Variants in EGFR observed in about 807,000 individuals in gnomAD.
EGFR encodes the protein epidermal growth factor receptor.
Under a neutral mutation model 143.0 loss-of-function variants are expected in EGFR, and 58 were observed. The observed-to-expected ratio is 0.41, with a 90% CI of 0.33 to 0.50. The LOEUF is 0.50. Ranked by LOEUF, EGFR falls within the 20% of genes least tolerant of loss-of-function variation. The pLI is 0.39. For missense variants in EGFR, 1,307 were observed against 1,579.0 expected (o/e 0.83, Z 2.92); for synonymous variants, 613 against 594.4 (o/e 1.03, Z -0.45).
intron 1 of EGFR, among the ~76,000 whole-genome samples, chr7:55,128,064 T>C (rs1448342530): frequency 6.6e-6 from 1 of 152,242 alleles, no homozygotes; most frequent in Admixed American, 6.5e-5. Flanking sequence ...TGAGCCTGGA[T>C]TGGTGCTTAG....
At chr7:55,156,176 C>T (rs1304744955) in intron 8 of EGFR, among the ~76,000 whole-genome samples, 1 of 152,216 alleles carries the variant, frequency 6.6e-6, no homozygotes, top group Non-Finnish European at 1.5e-5. Context: ...GCCAGCCCCG[C>T]TCAGCAGCTG....
At chr7:55,055,704 G>GCA (rs796811031) in intron 1 of EGFR, among the ~76,000 whole-genome samples, 13 of 108,472 alleles carry the variant, frequency 1.2e-4, no homozygotes, top group Non-Finnish European at 1.8e-4. Flanking sequence ...CCTCTTGCAC[G>GCA]CACACACACA....
chr7:55,083,940 G>A (rs998245144), intron 1 of EGFR, among the ~76,000 whole-genome samples: 1 of 152,144 alleles, frequency 6.6e-6, no homozygotes, highest in Non-Finnish European at 1.5e-5. Context: ...TAGCAAGATT[G>A]GGATCCTAAA....
At chr7:55,139,122 G>A (rs1015910277) in intron 1 of EGFR, among the ~76,000 whole-genome samples, 5 of 152,030 alleles carry the variant, frequency 3.3e-5, no homozygotes, top group East Asian at 3.9e-4. Context: ...TCCAATAAAC[G>A]CACTTTGGAA....
chr7:55,109,644 G>A, intron 1 of EGFR: 1 of 684,240 alleles, frequency 1.5e-6, no homozygotes, highest in Non-Finnish European at 1.8e-6. Flanking sequence ...TTTGCAGAGA[G>A]GCTTAATTCC....
intron 1 of EGFR, among the ~76,000 whole-genome samples, chr7:55,138,302 T>A (rs1794268657): frequency 6.6e-6 from 1 of 152,222 alleles, no homozygotes; most frequent in South Asian, 2.1e-4. Flanking sequence ...TTGCAAAGGG[T>A]AAGGCAAACC....
chr7:55,080,461 A>G (rs75726430), intron 1 of EGFR, among the ~76,000 whole-genome samples: 2,715 of 152,252 alleles, frequency 0.018, 43 homozygotes, highest in Middle Eastern at 0.055. Flanking sequence ...AAAACATTGC[A>G]TGATCTCACT....
intron 1 of EGFR, 43 bp from the exon 2 acceptor site, chr7:55,142,242 TG>T: frequency 1.2e-6 from 2 of 1,613,056 alleles, no homozygotes; most frequent in Non-Finnish European, 1.7e-6. Context: ...TTAGTTTTTC[TG>T]CATTTCTCAG....
chr7:55,143,718 G>GA (rs1794603011), intron 3 of EGFR, among the ~76,000 whole-genome samples: 1 of 152,216 alleles, frequency 6.6e-6, no homozygotes. Flanking sequence ...ACATGGACAT[G>GA]AAAAAATACT....
chr7:55,207,191 T>TA lies in EGFR; in HGVS notation c.*1575dup, dbSNP rs1189685086. The TA allele has an allele frequency of 4.3e-6, 1 of 232,978 alleles. No homozygotes were observed. Among genetic ancestry groups the TA allele is most frequent in the Non-Finnish European group, 8.5e-6 (1 of 117,878 alleles). 14.4% of individuals were successfully genotyped at this position (232,978 alleles called of 1,614,324 possible). ...TCAGAAAATATTTTCAGCCTACAGT[T>TA]ATGTTCAGTCACACACACATACAAA... On this transcript the variant is annotated 3_prime_UTR_variant, in exon 28 of 28. Transcript: ENST00000275493.
At chr7:55,101,003 G>A (rs1388378269) in intron 1 of EGFR, among the ~76,000 whole-genome samples, 2 of 152,354 alleles carry the variant, frequency 1.3e-5, no homozygotes, top group South Asian at 4.1e-4. Context: ...ACACAAAACT[G>A]TTTCTCCTCG....
chr7:55,200,108 T>A (rs1290457195), intron 23 of EGFR, among the ~76,000 whole-genome samples: 1 of 152,202 alleles, frequency 6.6e-6, no homozygotes, highest in African/African-American at 2.4e-5. Context: ...TTATTGTTAT[T>A]CTGATTCAAA....
At chr7:55,074,036 T>A (rs1231970386) in intron 1 of EGFR, among the ~76,000 whole-genome samples, 1 of 152,256 alleles carries the variant, frequency 6.6e-6, no homozygotes. Flanking sequence ...CCATGGGTAC[T>A]GCAAACAGCC....
intron 1 of EGFR, among the ~76,000 whole-genome samples, chr7:55,082,836 A>G (rs1790538917): frequency 6.6e-6 from 1 of 152,214 alleles, no homozygotes; most frequent in African/African-American, 2.4e-5. Flanking sequence ...TCAAGGTGTC[A>G]GTAGAGTCTC....
rs528037465 is a variant in EGFR, at chr7:55,202,727, CCA to C, written c.3271+103_3271+104del. ...AAGCCAGGTGCTCCCTCCAGCATCT[CCA>C]GAGGGGGAAACAGTGGCAGATTTGC... On this transcript the variant is annotated intron_variant, in intron 27 of 27. Coordinates refer to ENST00000275493, the MANE Select transcript of EGFR (RefSeq NM_005228.5). 33 of 1,056,390 alleles carry C rather than the reference CCA, an allele frequency of 3.1e-5. No homozygotes were observed. In the South Asian group the frequency reaches 4.0e-4, roughly 13 times the overall value. 65.4% of individuals were successfully genotyped at this position (1,056,390 alleles called of 1,614,324 possible). A position where few individuals can be genotyped will look rare whatever the true frequency, so the allele number is the denominator to read the frequency against.
intron 5 of EGFR, 182 bp from the exon 6 acceptor site, chr7:55,152,364 A>C (rs770121025): frequency 2.6e-6 from 2 of 770,258 alleles, no homozygotes; most frequent in African/African-American, 1.7e-5. Context: ...ATTAAAAATA[A>C]ATCAGGAGAA....
intron 1 of EGFR, among the ~76,000 whole-genome samples, chr7:55,112,773 A>C (rs1303008695): frequency 6.6e-6 from 1 of 152,196 alleles, no homozygotes; most frequent in African/African-American, 2.4e-5. Flanking sequence ...GTAACCGGCC[A>C]AGGTCACACA....
intron 1 of EGFR, among the ~76,000 whole-genome samples, chr7:55,041,618 T>G (rs1388778763): frequency 2.0e-5 from 3 of 152,226 alleles, no homozygotes; most frequent in Non-Finnish European, 4.4e-5. Context: ...CGAGCATCAA[T>G]GTATTTAAAA....
chr7:55,109,847 A>T (rs1792359668), intron 1 of EGFR: 1 of 985,352 alleles, frequency 1.0e-6, no homozygotes. Context: ...ACAGTTCTCC[A>T]CTGGACTTCA....
Sources: gnomAD v4.1 joint callset for allele counts (sites outside exome capture counted in the v4.1 genomes callset) on GRCh38, gnomAD v4.1.1 for gene constraint, MANE v1.5 for transcripts, NCBI Gene and HGNC (gene_info 2026-07-23, HGNC 2026-07-21) for gene names.